Variants in GRIP1 observed in about 807,000 individuals in gnomAD.
GRIP1 encodes the protein glutamate receptor interacting protein 1.
A neutral mutation model predicts 129.9 loss-of-function variants in GRIP1; 45 were observed. The ratio of observed to expected loss-of-function variants is 0.35; its 90% CI spans 0.27 to 0.44. The LOEUF (loss-of-function observed/expected upper bound fraction) is 0.44, where lower values mean the gene tolerates loss of function less well. Ranked by LOEUF, GRIP1 falls within the 20% of genes least tolerant of loss-of-function variation. The pLI is 1.00. For missense variants in GRIP1, 1,196 were observed against 1,396.8 expected, an observed-to-expected ratio of 0.86 and a Z score of 2.29; for synonymous variants, 530 against 520.8, an observed-to-expected ratio of 1.02 and a Z score of -0.24.
rs529241873 is a variant in GRIP1, at chr12:66,690,407, C to T, written c.-419-60071G>A. 1.5e-4 allele frequency among the ~76,000 whole-genome samples: 22 copies of T among 150,904 alleles called. No homozygotes were observed. The South Asian group carries it at 4.4e-3, about 30-fold the overall frequency. Reference sequence around the variant, plus strand: ...ACACACACACACACACCACATACACCATATTTTCTTTATTTACTCATTTCT... The same window carrying T: ...ACACACACACACACACCACATACACTATATTTTCTTTATTTACTCATTTCT... On this transcript the variant is annotated intron_variant, in intron 1 of 4. Coordinates refer to the GRIP1 transcript ENST00000538373.
At chr12:66,567,388 T>A (rs867873998) in intron 2 of GRIP1, among the ~76,000 whole-genome samples, 2 of 152,128 alleles carry the variant, frequency 1.3e-5, no homozygotes, top group Non-Finnish European at 2.9e-5. Context: ...ATTTACCCAG[T>A]AGTCTTCCAA....
chr12:67,023,759 T>C (rs1309215875), intron 1 of GRIP1, among the ~76,000 whole-genome samples: 1 of 152,086 alleles, frequency 6.6e-6, no homozygotes, highest in African/African-American at 2.4e-5. Flanking sequence ...CTCACACTAA[T>C]AGTGGCAGAT....
intron 24 of GRIP1, 150 bp from the exon 25 acceptor site, chr12:66,349,396 A>G (rs1026826232): frequency 1.4e-6 from 1 of 707,576 alleles, no homozygotes; most frequent in African/African-American, 1.8e-5. Flanking sequence ...ATGCTGTGAC[A>G]TGGCTACTGG....
chr12:67,031,131 G>C (rs535738525), intron 1 of GRIP1, among the ~76,000 whole-genome samples: 1 of 152,288 alleles, frequency 6.6e-6, no homozygotes, highest in South Asian at 2.1e-4. Flanking sequence ...TTCTGAGACA[G>C]TCTGGGCTGA....
intron 19 of GRIP1, among the ~76,000 whole-genome samples, chr12:66,387,836 T>A (rs181861968): frequency 2.0e-5 from 3 of 152,124 alleles, no homozygotes; most frequent in Non-Finnish European, 4.4e-5. Context: ...TACCATTGGG[T>A]TTCTACTCTG....
chr12:66,975,837 A>G (rs1825290057), intron 1 of GRIP1, among the ~76,000 whole-genome samples: 1 of 152,170 alleles, frequency 6.6e-6, no homozygotes, highest in Admixed American at 6.6e-5. Flanking sequence ...ACACAGATGA[A>G]TGATACATTC....
chr12:66,598,295 A>T (rs2064134477), intron 1 of GRIP1, among the ~76,000 whole-genome samples: 2 of 152,204 alleles, frequency 1.3e-5, no homozygotes, highest in South Asian at 4.1e-4. Context: ...AAAGGAAAAG[A>T]TTAACACTGC....
intron 1 of GRIP1, among the ~76,000 whole-genome samples, chr12:66,747,407 C>T (rs2036982964): frequency 6.6e-6 from 1 of 152,136 alleles, no homozygotes; most frequent in Non-Finnish European, 1.5e-5. Context: ...TAAAATCAAG[C>T]AAGCTACACA....
chr12:66,894,526 GC>G, intron 1 of GRIP1, among the ~76,000 whole-genome samples: 1 of 152,214 alleles, frequency 6.6e-6, no homozygotes, highest in South Asian at 2.1e-4. Flanking sequence ...AGCTGCCTAT[GC>G]CCCAGGAGGA....
At chr12:66,768,351 C>G (rs1209178964) in intron 1 of GRIP1, among the ~76,000 whole-genome samples, 1 of 152,198 alleles carries the variant, frequency 6.6e-6, no homozygotes, top group East Asian at 1.9e-4. Context: ...GAAGTATCTG[C>G]CTACAAATGC....
At chr12:66,599,348 T>C (rs780865500) in intron 1 of GRIP1, among the ~76,000 whole-genome samples, 17 of 152,146 alleles carry the variant, frequency 1.1e-4, no homozygotes, top group Non-Finnish European at 2.4e-4. Flanking sequence ...TAATTCCTAA[T>C]GGAAGGGAGG....
intron 19 of GRIP1, among the ~76,000 whole-genome samples, chr12:66,386,576 GTGAGC>G (rs1200927421): frequency 1.3e-5 from 2 of 152,184 alleles, no homozygotes; most frequent in Non-Finnish European, 2.9e-5. Flanking sequence ...GGAGCTTACA[GTGAGC>G]TGAGATCGCA....
In GRIP1 at chr12:66,992,364, G is replaced by A. The variant is rs1174487485; in HGVS notation, c.58+76686C>T. ...TACCTGTACCCTAGAAAAACAATGTGAAGGTTTAGAAAAAAAAAATTTTTT... is the reference window on the plus strand; with the variant it reads ...TACCTGTACCCTAGAAAAACAATGTAAAGGTTTAGAAAAAAAAAATTTTTT... On this transcript the variant is annotated intron_variant, in intron 1 of 1. Coordinates refer to the GRIP1 transcript ENST00000643019. 2.5e-5 allele frequency among the ~76,000 whole-genome samples: 3 copies of A among 118,690 alleles called. No homozygotes were observed. In the East Asian group the frequency reaches 6.7e-4, roughly 26 times the overall value. 77.9% of individuals were successfully genotyped at this position (118,690 alleles called of 152,430 possible).
chr12:66,377,482 C>T (rs536337062), intron 20 of GRIP1, among the ~76,000 whole-genome samples, 197 bp from the exon 21 acceptor site: 15 of 151,462 alleles, frequency 9.9e-5, no homozygotes, highest in African/African-American at 3.1e-4. Flanking sequence ...CGCCTGCCAC[C>T]ACGCCTGGCT....
At chr12:66,896,582 G>A (rs868820326) in intron 1 of GRIP1, among the ~76,000 whole-genome samples, 1 of 151,872 alleles carries the variant, frequency 6.6e-6, no homozygotes, top group African/African-American at 2.4e-5. Flanking sequence ...GGGCTTCTAA[G>A]GTGTCATCTG....
chr12:66,616,918 G>A (rs2065061361), intron 1 of GRIP1, among the ~76,000 whole-genome samples: 1 of 152,066 alleles, frequency 6.6e-6, no homozygotes, highest in South Asian at 2.1e-4. Flanking sequence ...GATGTGAACG[G>A]AAACCAAATC....
At chr12:66,668,409 A>C (rs2033907859) in intron 1 of GRIP1, among the ~76,000 whole-genome samples, 1 of 152,194 alleles carries the variant, frequency 6.6e-6, no homozygotes, top group Admixed American at 6.5e-5. Context: ...GATATTCCCC[A>C]GATTGAATTC....
At chr12:66,582,326 T>C (rs1426423286) in intron 2 of GRIP1, among the ~76,000 whole-genome samples, 1 of 139,764 alleles carries the variant, frequency 7.2e-6, no homozygotes, top group South Asian at 2.3e-4. Flanking sequence ...ACTGGAAGCA[T>C]TCCCTCTGAA....
At chr12:66,881,462 A>T (rs1252911793) in intron 1 of GRIP1, among the ~76,000 whole-genome samples, 2 of 152,196 alleles carry the variant, frequency 1.3e-5, no homozygotes, top group Non-Finnish European at 2.9e-5. Flanking sequence ...ATAACTTAAG[A>T]GCTCTACTTA....
Sources: allele counts gnomAD v4.1 joint callset (sites outside exome capture counted in the v4.1 genomes callset), GRCh38; gene constraint gnomAD v4.1.1; transcripts MANE v1.5; gene names NCBI Gene and HGNC (gene_info 2026-07-23, HGNC 2026-07-21).